RNPEPL1: variants seen among roughly 807,000 people sequenced by gnomAD.
RNPEPL1 encodes aminopeptidase RNPEPL1.
Under a neutral mutation model 69.0 loss-of-function variants are expected in RNPEPL1, and 46 were observed. The ratio of observed to expected loss-of-function variants is 0.67; its 90% CI spans 0.53 to 0.85. RNPEPL1 has a LOEUF of 0.85. Ranked by LOEUF, RNPEPL1 falls within the 40% of genes least tolerant of loss-of-function variation. The probability of loss-of-function intolerance (pLI) is 0.00; values close to 1 mark genes in which losing one functional copy is unlikely to be tolerated. For missense variants in RNPEPL1, 869 were observed against 992.5 expected (o/e 0.88, Z 1.67); for synonymous variants, 525 against 454.1 (o/e 1.16, Z -1.98).
At chr2:240,572,628 T>TC in intron 2 of RNPEPL1, 65 bp downstream of exon 2, 1 of 1,517,724 alleles carries the variant, frequency 6.6e-7, no homozygotes, top group Non-Finnish European at 8.8e-7. Context: ...CCACGCCGCC[T>TC]CCCCCTTGCT....
Position 240,574,254 on chromosome 2 carries a change from C to T in RNPEPL1, c.1080C>T (p.Phe360=), listed in dbSNP as rs749766269. ...DVIHEVAHSW[F]GNAVTNATWE... Reference sequence around the variant, plus strand: ...TCCACGAGGTGGCCCACAGTTGGTTCGGCAACGCTGTCACCAACGCCACGT... The same window carrying T: ...TCCACGAGGTGGCCCACAGTTGGTTTGGCAACGCTGTCACCAACGCCACGT... Residue 360 remains phenylalanine, a synonymous_variant, in exon 5 of 11, where the codon TTC becomes TTT. Transcript: ENST00000270357. 2.7e-5 allele frequency: 44 copies of T among 1,612,786 alleles called. No individual in the cohort carries two copies. The highest frequency in any genetic ancestry group is 3.3e-4 in the Middle Eastern group (2 of 6,060).
intron 10 of RNPEPL1, among the ~76,000 whole-genome samples, chr2:240,577,381 C>T (rs2093040781): frequency 6.6e-6 from 1 of 152,238 alleles, no homozygotes; most frequent in African/African-American, 2.4e-5. Context: ...CCCTCCAGCC[C>T]AGGTTCCCTG....
rs548803492 is a variant in RNPEPL1 at position 240,577,969 on chromosome 2, G to A, written c.*77G>A. The A allele has an allele frequency of 4.3e-5, 58 of 1,363,096 alleles. No homozygotes were observed. The highest frequency in any genetic ancestry group is 3.1e-4 in the African/African-American group (21 of 68,302). The allele number at this position is 1,363,096 out of a possible 1,614,324, so 84.4% of individuals were successfully genotyped here. ...TGTGGGCCAGGCCTGCCATGACTGC[G>A]TCTCGGCTCTGGCCATGAGCTCTGC... On this transcript the variant is annotated 3_prime_UTR_variant, in exon 11 of 11. Coordinates refer to ENST00000270357, the MANE Select transcript of RNPEPL1 (RefSeq NM_018226.6).
chr2:240,581,272 G>A lies in RNPEPL1; in HGVS notation c.*3380G>A, dbSNP rs1043274972. The A allele has an allele frequency of 6.6e-5, 10 of 151,974 alleles. No individual in the cohort carries two copies. Among genetic ancestry groups the A allele is most frequent in the African/African-American group, 2.4e-4 (10 of 41,342 alleles). 9.4% of individuals were successfully genotyped at this position (151,974 alleles called of 1,614,324 possible). ...TGAAATAAACCATAACATATGAAGA[G>A]GCACTTATGAAACAAGAACAGGTAG... is the stretch of plus-strand genomic sequence containing the variant. On this transcript the variant is annotated 3_prime_UTR_variant, in exon 11 of 11. Transcript: ENST00000270357.
intron 1 of RNPEPL1, among the ~76,000 whole-genome samples, chr2:240,572,034 T>G (rs2125448691): frequency 6.6e-6 from 1 of 152,356 alleles, no homozygotes; most frequent in African/African-American, 2.4e-5. Context: ...AATCAACTGC[T>G]GGGAATTTGG....
chr2:240,577,122 G>A, intron 10 of RNPEPL1, 132 bp downstream of exon 10: 1 of 1,153,036 alleles, frequency 8.7e-7, no homozygotes, highest in Non-Finnish European at 1.2e-6. Context: ...GGAAGACGTA[G>A]GGGTCTGTTG....
At position 240,574,257 on chromosome 2, in the gene RNPEPL1, C is replaced by G; in HGVS notation, c.1083C>G (p.Gly361=). ...VIHEVAHSWF[G]NAVTNATWEE... Reference sequence around the variant, plus strand: ...ACGAGGTGGCCCACAGTTGGTTCGGCAACGCTGTCACCAACGCCACGTGGG... The same window carrying G: ...ACGAGGTGGCCCACAGTTGGTTCGGGAACGCTGTCACCAACGCCACGTGGG... The change falls in exon 5 of 11, where the codon GGC becomes GGG. Residue 361 remains glycine (G), a synonymous_variant. Transcript: ENST00000270357. The G allele has an allele frequency of 1.2e-6, 2 of 1,612,722 alleles. No individual in the cohort carries two copies. Among genetic ancestry groups the G allele is most frequent in the Non-Finnish European group, 1.7e-6 (2 of 1,179,954 alleles).
In RNPEPL1 at chr2:240,573,791, G is replaced by A. The variant is rs1469678130; in HGVS notation, c.838G>A (p.Glu280Lys). The A allele has an allele frequency of 1.0e-5, 16 of 1,545,422 alleles. No individual in the cohort carries two copies. The highest frequency in any genetic ancestry group is 2.7e-5 in the African/African-American group (2 of 72,940). ...DIGPRSRVWA[E>K]PCLLPTATSK... ...ATGCACCAGGAGCCGCGTGTGGGCC[G>A]AGCCATGCCTCCTGCCCACGGCCAC... The change falls in exon 4 of 11, where the codon GAG (glutamate) becomes AAG (lysine). Residue 280 changes from glutamate (E) to lysine (K), a missense_variant. Around this residue, in one of 2 missense-constraint regions of RNPEPL1, gnomAD observed 610 missense variants for 790.9 expected, o/e 0.77. Coordinates refer to ENST00000270357, the MANE Select transcript of RNPEPL1 (RefSeq NM_018226.6).
rs753257592 is a variant in RNPEPL1 at position 240,574,464 on chromosome 2, C to T, written c.1175-51C>T. 49 of 1,558,072 alleles carry T rather than the reference C, an allele frequency of 3.1e-5. No individual in the cohort carries two copies. In the Middle Eastern group the frequency reaches 8.4e-4, roughly 27 times the overall value. On this transcript the variant is annotated intron_variant, in intron 5 of 10. Transcript: ENST00000270357. ...AGGTGCCCACACCTCCTGCTTCCCC[C>T]GACGACCCCTACACCCCCTCACCTC...
chr2:240,575,256 A>T, intron 7 of RNPEPL1, 114 bp downstream of exon 7: 2 of 889,242 alleles, frequency 2.2e-6, no homozygotes, highest in Non-Finnish European at 3.7e-6. Context: ...GGGGCCTGTG[A>T]GCCTGGCTGG....
chr2:240,575,351 C>T (rs1431740993), intron 7 of RNPEPL1, 151 bp from the exon 8 acceptor site: 13 of 777,186 alleles, frequency 1.7e-5, no homozygotes, highest in East Asian at 2.6e-5. Context: ...GCAGGGCCTG[C>T]GTGCCAAGTG....
chr2:240,574,883 C>T (rs1167766502), intron 6 of RNPEPL1, 147 bp from the exon 7 acceptor site: 19 of 721,212 alleles, frequency 2.6e-5, no homozygotes, highest in Non-Finnish European at 4.2e-5. Flanking sequence ...TGCCGCTGCA[C>T]GCCCAGGGCA....
At chr2:240,575,703 A>G in intron 8 of RNPEPL1, 93 bp downstream of exon 8, 1 of 937,656 alleles carries the variant, frequency 1.1e-6, no homozygotes, top group Non-Finnish European at 1.7e-6. Context: ...ACCTGGAGGA[A>G]AGCCCTGTCA....
Position 240,580,758 on chromosome 2 carries a change from G to C in RNPEPL1, c.*2866G>C, listed in dbSNP as rs1408967530. 6.6e-6 allele frequency: 1 copy of C among 152,248 alleles called. No individual in the cohort carries two copies. Among genetic ancestry groups the C allele is most frequent in the Admixed American group, 6.5e-5 (1 of 15,282 alleles). 9.4% of individuals were successfully genotyped at this position (152,248 alleles called of 1,614,324 possible). ...ACGGAGCTGAGGCCAGAATGTGAGA[G>C]AGATCTGCATTTTGGGGATTAGGGC... On this transcript the variant is annotated 3_prime_UTR_variant, in exon 11 of 11. Transcript: ENST00000270357.
At position 240,579,726 on chromosome 2, in the gene RNPEPL1, TC is replaced by T. The variant is rs1265933902; in HGVS notation, c.*1835del. On this transcript the variant is annotated 3_prime_UTR_variant, in exon 11 of 11. Transcript: ENST00000270357. ...GCCTTGGGAGGACCCCTTTCCTGTT[TC>T]TTAACCATGCTTGATGGTGTCCTCA... 7.9e-5 allele frequency: 12 copies of T among 152,226 alleles called. No individual in the cohort carries two copies. The highest frequency in any genetic ancestry group is 2.7e-4 in the African/African-American group (11 of 41,456). The allele number at this position is 152,226 out of a possible 1,614,324, so 9.4% of individuals were successfully genotyped here.
intron 3 of RNPEPL1, 42 bp from the exon 4 acceptor site, chr2:240,573,733 T>C: frequency 6.8e-7 from 1 of 1,467,642 alleles, no homozygotes; most frequent in South Asian, 1.3e-5. Flanking sequence ...TGAGCGGGGC[T>C]GGGGCTGCTC....
Position 240,576,752 on chromosome 2 carries a change from C to A in RNPEPL1, c.1728C>A (p.Ser576=). 6.2e-7 allele frequency: 1 copy of A among 1,612,858 alleles called. No individual in the cohort carries two copies. The highest frequency in any genetic ancestry group is 8.5e-7 in the Non-Finnish European group (1 of 1,179,876). The change falls in exon 9 of 11, where the codon TCC becomes TCA. Residue 576 remains serine, a synonymous_variant. Coordinates refer to ENST00000270357, the MANE Select transcript of RNPEPL1 (RefSeq NM_018226.6). ...ALFLDRLLDG[S]PLPQEVVMSL... ...TCCTGGACCGGCTCCTGGATGGGTC[C>A]CCGCTGCCGCAGGGTGAGTCCCTGC...
chr2:240,568,574 A>C lies in RNPEPL1; in HGVS notation c.-13A>C. 2 of 967,354 alleles carry C rather than the reference A, an allele frequency of 2.1e-6. No individual in the cohort carries two copies. The highest frequency in any genetic ancestry group is 2.4e-6 in the Non-Finnish European group (2 of 820,742). 59.9% of individuals were successfully genotyped at this position (967,354 alleles called of 1,614,324 possible). A position where few individuals can be genotyped will look rare whatever the true frequency, so the allele number is the denominator to read the frequency against. On this transcript the variant is annotated 5_prime_UTR_variant, in exon 1 of 11. The change abolishes the stop of an existing upstream ORF in the 5' untranslated region. Transcript: ENST00000270357. This position sits in a 1 kb window ranked among gnomAD's most constrained non-coding sequence, Gnocchi z 6.2. Reference sequence around the variant, plus strand: ...CGGCCGCCGCCCATGGATTTCACCTAGTGCCGGCGGCCATGGCCGCGCAGT... The same window carrying C: ...CGGCCGCCGCCCATGGATTTCACCTCGTGCCGGCGGCCATGGCCGCGCAGT...
In RNPEPL1 at chr2:240,569,042, G is replaced by A; in HGVS notation, c.456G>A (p.Thr152=). The change falls in exon 1 of 11, where the codon ACG becomes ACA. Residue 152 remains threonine (T), a synonymous_variant. Transcript: ENST00000270357. ...FTDYGSSLTV[T]LPPELQAHQP... ...ACTACGGCTCCTCGCTCACCGTCAC[G>A]CTGCCGCCCGAGCTGCAGGCGCACC... is the stretch of plus-strand genomic sequence containing the variant. The A allele has an allele frequency of 6.6e-7, 1 of 1,510,536 alleles. No homozygotes were observed. Among genetic ancestry groups the A allele is most frequent in the Non-Finnish European group, 8.8e-7 (1 of 1,137,030 alleles). 93.6% of individuals were successfully genotyped at this position (1,510,536 alleles called of 1,614,324 possible).
Sources: allele counts gnomAD v4.1 joint callset (sites outside exome capture counted in the v4.1 genomes callset), GRCh38; gene constraint gnomAD v4.1.1; regional missense constraint gnomAD v4.1.1; non-coding constraint Gnocchi (gnomAD v3.1); transcripts MANE v1.5; gene names NCBI Gene and HGNC (gene_info 2026-07-23, HGNC 2026-07-21).